The following UGT1A7 variants were observed in gnomAD, a reference collection of about 807,000 sequenced individuals.
The protein encoded by UGT1A7 is UDP-glucuronosyltransferase 1A7.
In UGT1A7, 33 loss-of-function variants were observed where a neutral mutation model predicts 45.6. That is an observed-to-expected ratio of 0.72 (90% confidence interval 0.55 to 0.97). UGT1A7 has a LOEUF of 0.97. UGT1A7 is among the 50% of genes least tolerant of loss of function. The pLI is 0.00. For missense variants in UGT1A7, 684 were observed against 666.2 expected (o/e 1.03, Z -0.29); for synonymous variants, 274 against 250.6 (o/e 1.09, Z -0.88).
intron 1 of UGT1A7, among the ~76,000 whole-genome samples, chr2:233,686,249 AT>A (rs142649436): frequency 0.08 from 11,961 of 149,536 alleles, 627 homozygotes; most frequent in Non-Finnish European, 0.12. Flanking sequence ...GGTTTCTGAG[AT>A]TTTTTTTTTT....
rs2074607007 is a variant in UGT1A7, at chr2:233,682,922, T to A, written c.855+130T>A. 11 of 1,476,916 alleles carry A rather than the reference T, an allele frequency of 7.4e-6. No individual in the cohort carries two copies. The South Asian group carries it at 1.6e-4, about 21-fold the overall frequency. 91.5% of individuals were successfully genotyped at this position (1,476,916 alleles called of 1,614,324 possible). ...TTCTTTCTGGTTTAAGGAATTCTTT[T>A]GTACCAATTCACTTAATTGTTGGGT... On this transcript the variant is annotated intron_variant, in intron 1 of 4. Coordinates refer to ENST00000373426, the MANE Select transcript of UGT1A7 (RefSeq NM_019077.3).
intron 1 of UGT1A7, among the ~76,000 whole-genome samples, chr2:233,733,638 G>T (rs913820039): frequency 6.6e-6 from 1 of 152,200 alleles, no homozygotes; most frequent in East Asian, 1.9e-4. Flanking sequence ...AACCAGCCTT[G>T]CATCCCAAGG....
At chr2:233,755,240 T>C (rs995550231) in intron 1 of UGT1A7, 23 of 876,322 alleles carry the variant, frequency 2.6e-5, no homozygotes, top group Admixed American at 5.9e-5. Context: ...CCTACCGGGG[T>C]ACTCCCAGCA....
chr2:233,743,837 G>T (rs371252305), intron 1 of UGT1A7: 2 of 1,367,128 alleles, frequency 1.5e-6, no homozygotes, highest in Non-Finnish European at 2.0e-6. Flanking sequence ...CCACTTGAGC[G>T]CCAGCTTGCG....
At chr2:233,693,234 T>C in intron 1 of UGT1A7, 1 of 1,614,090 alleles carries the variant, frequency 6.2e-7, no homozygotes, top group Non-Finnish European at 8.5e-7. Flanking sequence ...ACAAGAAAAA[T>C]CTATCCAGTG....
chr2:233,729,060 A>G (rs1266592558), intron 1 of UGT1A7: 4 of 1,610,542 alleles, frequency 2.5e-6, no homozygotes, highest in Non-Finnish European at 3.4e-6. Flanking sequence ...GGTAATTAAG[A>G]TGAAGAAAGC....
chr2:233,747,923 G>A (rs1349241680), intron 1 of UGT1A7: 2 of 1,613,414 alleles, frequency 1.2e-6, no homozygotes, highest in Non-Finnish European at 1.7e-6. Flanking sequence ...TTGCCTCTGA[G>A]CTTTTTCAGA....
At chr2:233,751,930 T>G (rs1477221297) in intron 1 of UGT1A7, among the ~76,000 whole-genome samples, 5 of 152,152 alleles carry the variant, frequency 3.3e-5, no homozygotes, top group African/African-American at 7.2e-5. Context: ...TGGTGGTGAT[T>G]GAAGTTATAC....
chr2:233,754,775 G>T (rs1381490042), intron 1 of UGT1A7: 9 of 1,081,770 alleles, frequency 8.3e-6, no homozygotes, highest in Non-Finnish European at 1.1e-5. Context: ...TTCCCAGGGA[G>T]CCAAAGGAAC....
intron 1 of UGT1A7, among the ~76,000 whole-genome samples, chr2:233,726,781 C>T (rs2077561250): frequency 6.6e-6 from 1 of 152,176 alleles, no homozygotes; most frequent in Non-Finnish European, 1.5e-5. Context: ...TAAAGTGAAA[C>T]CCACATCTTA....
At chr2:233,687,423 G>A (rs569244022) in intron 1 of UGT1A7, among the ~76,000 whole-genome samples, 9 of 151,954 alleles carry the variant, frequency 5.9e-5, no homozygotes, top group Admixed American at 2.0e-4. Context: ...GAGGCTTACC[G>A]TGTACCAGGT....
At chr2:233,693,873 G>C (rs2075185682) in intron 1 of UGT1A7, 3 of 1,614,124 alleles carry the variant, frequency 1.9e-6, no homozygotes, top group South Asian at 1.1e-5. Context: ...CAGGTTGGTG[G>C]GTTTATTTCT....
rs969396704 is a variant in UGT1A7 at position 233,741,897 on chromosome 2, C to A, written c.856-25137C>A. On this transcript the variant is annotated intron_variant, in intron 1 of 4. Coordinates refer to ENST00000373426, the MANE Select transcript of UGT1A7 (RefSeq NM_019077.3). ...AGAGGTGACCCTAGAAGAAGGGACC[C>A]TTTGTGATGGAAAAGGTCTTCATTT... 18 of 151,852 alleles carry A rather than the reference C, an allele frequency of 1.2e-4. 1 individual carries two copies. Among genetic ancestry groups the A allele is most frequent in the African/African-American group, 4.1e-4 (17 of 41,132 alleles). The allele number at this position is 151,852 out of a possible 1,614,324, so 9.4% of individuals were successfully genotyped here. A position where few individuals can be genotyped will look rare whatever the true frequency, so the allele number is the denominator to read the frequency against.
chr2:233,765,917 T>C (rs1002014731), intron 1 of UGT1A7, among the ~76,000 whole-genome samples: 3 of 151,992 alleles, frequency 2.0e-5, no homozygotes, highest in African/African-American at 7.3e-5. Context: ...TAGGGGAGCA[T>C]ACAGACGGGC....
rs796155377 is a variant in UGT1A7 at position 233,747,484 on chromosome 2, G to A, written c.856-19550G>A. ...TCATGGACCCAGGATGAATTTGATC[G>A]CCTTGTGCTGGGCCACACTCAACTG... On this transcript the variant is annotated intron_variant, in intron 1 of 4. Transcript: ENST00000373426. The A allele has an allele frequency of 6.3e-5, 101 of 1,608,658 alleles. 5 individuals are homozygous for A. The African/African-American group carries it at 1.1e-3, about 17-fold the overall frequency.
chr2:233,768,900 A>G (rs972191736), intron 4 of UGT1A7, among the ~76,000 whole-genome samples: 23 of 152,184 alleles, frequency 1.5e-4, no homozygotes, highest in African/African-American at 5.1e-4. Flanking sequence ...TATAAATAAG[A>G]TAATTTAGAG....
intron 1 of UGT1A7, chr2:233,713,016 CT>C: frequency 6.2e-7 from 1 of 1,613,704 alleles, no homozygotes; most frequent in Non-Finnish European, 8.5e-7. Context: ...CCAGGTTCCC[CT>C]GCCGCAGCTG....
At chr2:233,731,482 G>C (rs562723642) in intron 1 of UGT1A7, among the ~76,000 whole-genome samples, 2 of 152,088 alleles carry the variant, frequency 1.3e-5, no homozygotes, top group Non-Finnish European at 2.9e-5. Flanking sequence ...TCCCTGGCCT[G>C]TGTCCAGTGT....
In UGT1A7 at chr2:233,767,120, G is replaced by A; in HGVS notation, c.942G>A (p.Lys314=). The A allele has an allele frequency of 1.2e-6, 2 of 1,614,156 alleles. No individual in the cohort carries two copies. The highest frequency in any genetic ancestry group is 1.7e-6 in the Non-Finnish European group (2 of 1,180,028). ...CAATGGTCTCAGAAATTCCAGAGAA[G>A]AAAGCTATGGCAATTGCTGATGCTT... ...LGSMVSEIPE[K]KAMAIADALG... The change falls in exon 2 of 5, where the codon AAG becomes AAA. Residue 314 remains lysine, a synonymous_variant. Transcript: ENST00000373426.
Sources: gnomAD v4.1 joint callset for allele counts (sites outside exome capture counted in the v4.1 genomes callset) on GRCh38, gnomAD v4.1.1 for gene constraint, MANE v1.5 for transcripts, NCBI Gene and HGNC (gene_info 2026-07-23, HGNC 2026-07-21) for gene names.